Variants in PCDHGA3 observed in about 807,000 individuals in gnomAD.
PCDHGA3 encodes the protein protocadherin gamma subfamily A, 3.
A neutral mutation model predicts 58.5 loss-of-function variants in PCDHGA3; 40 were observed. The observed-to-expected ratio is 0.68, with a 90% confidence interval of 0.53 to 0.89. The LOEUF is 0.89. Ranked by LOEUF, PCDHGA3 falls within the 40% of genes least tolerant of loss-of-function variation. The pLI is 0.00. For synonymous variants in PCDHGA3, 530 were observed against 525.7 expected, an observed-to-expected ratio of 1.01 and a Z score of -0.11; for missense variants, 1,223 against 1,195.9, an observed-to-expected ratio of 1.02 and a Z score of -0.33.
chr5:141,399,562 T>G (rs764432886), intron 1 of PCDHGA3: 1 of 1,613,898 alleles, frequency 6.2e-7, no homozygotes, highest in East Asian at 2.2e-5. Flanking sequence ...GGACTTGGGG[T>G]TGAACGGCCA....
chr5:141,494,236 T>C (rs1384800217), intron 1 of PCDHGA3, among the ~76,000 whole-genome samples: 7 of 152,128 alleles, frequency 4.6e-5, no homozygotes, highest in Non-Finnish European at 1.0e-4. Flanking sequence ...AAATTAATAA[T>C]GTATTTAGCT....
At position 141,355,454 on chromosome 5, in the gene PCDHGA3, T is replaced by C. The variant is rs747114366; in HGVS notation, c.2424+8997T>C. ...CTGAACCCGCGCAGCGGCACCTTGGTCACCGCGGGTAGGATAGACAGGGAG... is the reference window on the plus strand; with the variant it reads ...CTGAACCCGCGCAGCGGCACCTTGGCCACCGCGGGTAGGATAGACAGGGAG... On this transcript the variant is annotated intron_variant, in intron 1 of 3. Transcript: ENST00000253812. 62 of 1,614,066 alleles carry C rather than the reference T, an allele frequency of 3.8e-5. No homozygotes were observed. Among genetic ancestry groups the C allele is most frequent in the Non-Finnish European group, 4.7e-5 (55 of 1,179,914 alleles).
chr5:141,381,416 C>T (rs995030864), intron 1 of PCDHGA3, among the ~76,000 whole-genome samples: 2 of 152,236 alleles, frequency 1.3e-5, no homozygotes, highest in African/African-American at 2.4e-5. Context: ...AGTGGAGAGA[C>T]GAGTACCTCT....
chr5:141,451,237 A>G (rs1405567593), intron 1 of PCDHGA3, among the ~76,000 whole-genome samples: 1 of 152,198 alleles, frequency 6.6e-6, no homozygotes, highest in Non-Finnish European at 1.5e-5. Context: ...TTATTATCTC[A>G]TAAATTTTGT....
rs2099427993 is a variant in PCDHGA3, at chr5:141,477,978, T to C, written c.2425-16829T>C. Reference sequence around the variant, plus strand: ...TCCCCTAACCAGAGCCTTTTTGCCATAGGGCTGCACACTGGTCAAATCAGT... The same window carrying C: ...TCCCCTAACCAGAGCCTTTTTGCCACAGGGCTGCACACTGGTCAAATCAGT... On this transcript the variant is annotated intron_variant, in intron 1 of 3. Coordinates refer to ENST00000253812, the MANE Select transcript of PCDHGA3 (RefSeq NM_018916.4). This position sits in a 1 kb window ranked among gnomAD's most constrained non-coding sequence, Gnocchi z 4.9. 6.2e-7 allele frequency: 1 copy of C among 1,614,120 alleles called. No individual in the cohort carries two copies. Among genetic ancestry groups the C allele is most frequent in the Non-Finnish European group, 8.5e-7 (1 of 1,180,022 alleles).
At position 141,431,280 on chromosome 5, in the gene PCDHGA3, C is replaced by G; in HGVS notation, c.2425-63527C>G. ...TCTCTGCAGAGCTACGAGCTCAGCC[C>G]GAACACTCACTTCTCCCTCATCGTG... On this transcript the variant is annotated intron_variant, in intron 1 of 3. Transcript: ENST00000253812. This position sits in a 1 kb window ranked among gnomAD's most constrained non-coding sequence, Gnocchi z 4.8. The G allele has an allele frequency of 6.2e-7, 1 of 1,614,146 alleles. No homozygotes were observed. The highest frequency in any genetic ancestry group is 8.5e-7 in the Non-Finnish European group (1 of 1,180,040).
At position 141,351,935 on chromosome 5, in the gene PCDHGA3, C is replaced by T. The variant is rs766333279; in HGVS notation, c.2424+5478C>T. 6 of 1,613,256 alleles carry T rather than the reference C, an allele frequency of 3.7e-6. 1 individual carries two copies. The South Asian group carries it at 5.5e-5, about 15-fold the overall frequency. ...CCTCAATGACAATGCGCCACGGGTG[C>T]TGTACCCCGCGCTGGGGCCTGATGG... On this transcript the variant is annotated intron_variant, in intron 1 of 3. Coordinates refer to ENST00000253812, the MANE Select transcript of PCDHGA3 (RefSeq NM_018916.4).
chr5:141,413,089 C>CTT, intron 1 of PCDHGA3: 1 of 1,401,124 alleles, frequency 7.1e-7, no homozygotes, highest in South Asian at 1.4e-5. Flanking sequence ...TACAGAGACA[C>CTT]CCTGAAGCCA....
At chr5:141,410,804 T>A in intron 1 of PCDHGA3, 1 of 674,100 alleles carries the variant, frequency 1.5e-6, no homozygotes, top group Non-Finnish European at 2.3e-6. Flanking sequence ...TTGCTCTATC[T>A]TTTTGTAAAA....
In PCDHGA3 at chr5:141,489,375, G is replaced by A. The variant is rs768190252; in HGVS notation, c.2425-5432G>A. The A allele has an allele frequency of 1.2e-5, 19 of 1,613,826 alleles. No individual in the cohort carries two copies. The Admixed American group carries it at 3.2e-4, about 27-fold the overall frequency. ...AGGAGTCTGAGCCGGGGACGCTGGT[G>A]GGGAATGTTGCTCAGGATCTGGGCT... On this transcript the variant is annotated intron_variant, in intron 1 of 3. Transcript: ENST00000253812. The surrounding 1 kb of genome is among the most constrained non-coding windows in gnomAD (Gnocchi z 4.5).
At position 141,487,010 on chromosome 5, in the gene PCDHGA3, GC is replaced by G. The variant is rs2099638172; in HGVS notation, c.2425-7793del. ...TTGGGTTTCCTATCAGCTCCTGGAG[GC>G]CCCAGATCCCAGCCTGTTTGCAGTC... is the stretch of plus-strand genomic sequence containing the variant. On this transcript the variant is annotated intron_variant, in intron 1 of 3. Coordinates refer to ENST00000253812, the MANE Select transcript of PCDHGA3 (RefSeq NM_018916.4). This position sits in a 1 kb window ranked among gnomAD's most constrained non-coding sequence, Gnocchi z 5.0. 6.2e-7 allele frequency: 1 copy of G among 1,614,096 alleles called. No individual in the cohort carries two copies. Among genetic ancestry groups the G allele is most frequent in the Non-Finnish European group, 8.5e-7 (1 of 1,180,056 alleles).
chr5:141,375,138 G>A (rs778788428), intron 1 of PCDHGA3: 2 of 1,613,922 alleles, frequency 1.2e-6, no homozygotes. Context: ...GTTACATCTG[G>A]AAGCAGAACA....
chr5:141,357,690 TTTTA>T, intron 1 of PCDHGA3: 1 of 1,558,960 alleles, frequency 6.4e-7, no homozygotes, highest in Non-Finnish European at 8.7e-7. Flanking sequence ...ATGTCTCTCA[TTTTA>T]TATGTAATAT....
intron 1 of PCDHGA3, among the ~76,000 whole-genome samples, chr5:141,358,331 G>C (rs1760885961): frequency 6.6e-6 from 1 of 152,204 alleles, no homozygotes; most frequent in East Asian, 1.9e-4. Flanking sequence ...TGAAGCTATT[G>C]TTGGATCTGG....
chr5:141,498,045 A>G (rs1368474174), intron 2 of PCDHGA3, among the ~76,000 whole-genome samples: 4 of 152,256 alleles, frequency 2.6e-5, no homozygotes, highest in Non-Finnish European at 4.4e-5. Flanking sequence ...AATTACAAAA[A>G]TAAATGTGAG....
At chr5:141,389,055 A>G in intron 1 of PCDHGA3, 1 of 1,613,996 alleles carries the variant, frequency 6.2e-7, no homozygotes, top group South Asian at 1.1e-5. Context: ...TGTTCCATTT[A>G]AAATATTAAC....
chr5:141,496,478 G>A lies in PCDHGA3; in HGVS notation c.2483+1613G>A, dbSNP rs150992994. 7.2e-3 allele frequency among the ~76,000 whole-genome samples: 1,093 copies of A among 152,228 alleles called. 19 individuals are homozygous for A. The highest frequency in any genetic ancestry group is 0.025 in the African/African-American group (1,039 of 41,518). ...CCAAGAGTTATCTTTCCCCCATCCT[G>A]CAACCAACCAAACCCTTGTTGCCAC... is the stretch of plus-strand genomic sequence containing the variant. On this transcript the variant is annotated intron_variant, in intron 2 of 3. Transcript: ENST00000253812.
At chr5:141,416,253 A>G (rs1399251065) in intron 1 of PCDHGA3, 1 of 152,312 alleles carries the variant, frequency 6.6e-6, no homozygotes, top group Non-Finnish European at 1.5e-5. Flanking sequence ...AACTGATAAC[A>G]CTGCAGTATC....
chr5:141,351,305 T>G, intron 1 of PCDHGA3: 1 of 1,613,884 alleles, frequency 6.2e-7, no homozygotes, highest in Non-Finnish European at 8.5e-7. Flanking sequence ...CATGTCCTTC[T>G]CTAACCAGAT....
Sources: gnomAD v4.1 joint callset for allele counts (sites outside exome capture counted in the v4.1 genomes callset) on GRCh38, gnomAD v4.1.1 for gene constraint, Gnocchi (gnomAD v3.1) non-coding constraint, MANE v1.5 for transcripts, NCBI Gene and HGNC (gene_info 2026-07-23, HGNC 2026-07-21) for gene names.